CHMP4B: variants seen among roughly 807,000 people sequenced by gnomAD.
The protein encoded by CHMP4B is charged multivesicular body protein 4B.
A neutral mutation model predicts 25.1 loss-of-function variants in CHMP4B; 1 was observed. The ratio of observed to expected loss-of-function variants is 0.04; its 90% confidence interval spans 0.01 to 0.19. CHMP4B has a LOEUF of 0.19. Ranked by LOEUF, CHMP4B falls within the 10% of genes least tolerant of loss-of-function variation. The probability of loss-of-function intolerance (pLI) is 1.00; values close to 1 mark genes in which losing one functional copy is unlikely to be tolerated. For missense variants in CHMP4B, 151 were observed against 289.7 expected, an observed-to-expected ratio of 0.52 and a Z score of 3.48; for synonymous variants, 101 against 115.6, an observed-to-expected ratio of 0.87 and a Z score of 0.81.
At chr20:33,818,764 G>C (rs1978851897) in intron 1 of CHMP4B, among the ~76,000 whole-genome samples, 1 of 152,190 alleles carries the variant, frequency 6.6e-6, no homozygotes, top group Non-Finnish European at 1.5e-5. Context: ...CTACATCACA[G>C]ATCAAGGAAG....
chr20:33,830,933 GT>G (rs55917511), intron 1 of CHMP4B, among the ~76,000 whole-genome samples: 5,441 of 102,634 alleles, frequency 0.053, 268 homozygotes, highest in Non-Finnish European at 0.083. Flanking sequence ...AAGGAACAGA[GT>G]TTTTTTTTTT....
chr20:33,853,117 A>G (rs970369557), intron 4 of CHMP4B, among the ~76,000 whole-genome samples: 1 of 152,152 alleles, frequency 6.6e-6, no homozygotes, highest in African/African-American at 2.4e-5. Context: ...CTGTGTGGCC[A>G]TGAGTCAAGC....
intron 1 of CHMP4B, among the ~76,000 whole-genome samples, chr20:33,823,893 C>A (rs1454308452): frequency 6.6e-6 from 1 of 152,068 alleles, no homozygotes; most frequent in Non-Finnish European, 1.5e-5. Context: ...CCAGGCTGTT[C>A]TTGAACTCCT....
chr20:33,820,598 C>T (rs779785180), intron 1 of CHMP4B, among the ~76,000 whole-genome samples: 15 of 151,928 alleles, frequency 9.9e-5, no homozygotes, highest in Non-Finnish European at 2.2e-4. Flanking sequence ...AACCAGGGTA[C>T]AGTGTGATTT....
At chr20:33,824,802 C>G (rs969525564) in intron 1 of CHMP4B, among the ~76,000 whole-genome samples, 1 of 147,860 alleles carries the variant, frequency 6.8e-6, no homozygotes, top group Non-Finnish European at 1.5e-5. Flanking sequence ...GTTGTGACAA[C>G]AAAAATGTCT....
chr20:33,838,546 G>T (rs980825043), intron 1 of CHMP4B, among the ~76,000 whole-genome samples: 29 of 152,166 alleles, frequency 1.9e-4, no homozygotes, highest in African/African-American at 7.0e-4. Context: ...TCAAATTTAC[G>T]TATTAAGACA....
In CHMP4B at chr20:33,853,732, C is replaced by T. The variant is rs1033785511; in HGVS notation, c.*172C>T. The stretch of plus-strand genomic sequence containing the variant: ...CTCACTCTCTGCATAGCATGGTCTG[C>T]ACCTGGGAGATGGGCGGGGGGAGGG... On this transcript the variant is annotated 3_prime_UTR_variant, in exon 5 of 5. Coordinates refer to ENST00000217402, the MANE Select transcript of CHMP4B (RefSeq NM_176812.5). The T allele has an allele frequency of 2.8e-4, 24 of 84,404 alleles. No homozygotes were observed. In the Admixed American group the frequency reaches 2.9e-3, roughly 10 times the overall value. 5.2% of individuals were successfully genotyped at this position (84,404 alleles called of 1,614,324 possible).
intron 1 of CHMP4B, among the ~76,000 whole-genome samples, chr20:33,813,714 T>C (rs1422859498): frequency 2.6e-5 from 4 of 151,994 alleles, no homozygotes; most frequent in African/African-American, 4.8e-5. Flanking sequence ...GTTTCTGGAG[T>C]TTGTTTTTTT....
chr20:33,847,288 T>TG (rs888017626), intron 1 of CHMP4B, among the ~76,000 whole-genome samples: 1 of 150,208 alleles, frequency 6.7e-6, no homozygotes, highest in Non-Finnish European at 1.5e-5. Context: ...GATGTACTGT[T>TG]TTTTTTTTTA....
At chr20:33,831,032 C>A (rs1250472418) in intron 1 of CHMP4B, among the ~76,000 whole-genome samples, 1 of 146,534 alleles carries the variant, frequency 6.8e-6, no homozygotes, top group African/African-American at 2.5e-5. Context: ...CCTGGACCTC[C>A]ACAGCTCAAG....
rs752349917 is a variant in CHMP4B at position 33,848,576 on chromosome 20, C to T, written c.300C>T (p.Asn100=). ...EFQREALENA[N]TNTEVLKNMG... ...AGCGGGAGGCCCTGGAGAATGCCAACACCAACACCGAGGTGCTCAAGAACA... is the reference window on the plus strand; with the variant it reads ...AGCGGGAGGCCCTGGAGAATGCCAATACCAACACCGAGGTGCTCAAGAACA... Residue 100 remains asparagine, a synonymous_variant, in exon 2 of 5, where the codon AAC becomes AAT. Transcript: ENST00000217402. The T allele has an allele frequency of 6.2e-7, 1 of 1,614,246 alleles. No individual in the cohort carries two copies. Among genetic ancestry groups the T allele is most frequent in the South Asian group, 1.1e-5 (1 of 91,088 alleles).
intron 1 of CHMP4B, among the ~76,000 whole-genome samples, chr20:33,814,906 C>T (rs1282594561): frequency 6.6e-6 from 1 of 152,250 alleles, no homozygotes; most frequent in East Asian, 1.9e-4. Flanking sequence ...CCGTATTAGC[C>T]TCCCAAAGTG....
At chr20:33,850,242 T>C (rs1251322666) in intron 2 of CHMP4B, among the ~76,000 whole-genome samples, 1 of 152,224 alleles carries the variant, frequency 6.6e-6, no homozygotes, top group Non-Finnish European at 1.5e-5. Context: ...CTGATGTTGC[T>C]CTAGAAATGT....
chr20:33,824,226 A>G (rs1601318828), intron 1 of CHMP4B, among the ~76,000 whole-genome samples: 1 of 152,134 alleles, frequency 6.6e-6, no homozygotes, highest in African/African-American at 2.4e-5. Flanking sequence ...AGAGGAAGAA[A>G]CTAAGGCTCA....
At chr20:33,841,355 G>C (rs1345815866) in intron 1 of CHMP4B, among the ~76,000 whole-genome samples, 1 of 152,164 alleles carries the variant, frequency 6.6e-6, no homozygotes, top group Admixed American at 6.5e-5. Context: ...AGAGAAGGAG[G>C]CTGCTCTGGA....
Position 33,853,784 on chromosome 20 carries a change from T to C in CHMP4B, c.*224T>C, listed in dbSNP as rs1979928891. On this transcript the variant is annotated 3_prime_UTR_variant, in exon 5 of 5. Transcript: ENST00000217402. ...GGCGGGCGGGGTGGGAAGTGCCTGC[T>C]GTTTATAATGTTGAATTTCTGTAAA... 1.9e-6 allele frequency: 1 copy of C among 519,234 alleles called. No individual in the cohort carries two copies. Among genetic ancestry groups the C allele is most frequent in the South Asian group, 2.0e-5 (1 of 49,350 alleles). The allele number at this position is 519,234 out of a possible 1,614,324, so 32.2% of individuals were successfully genotyped here. A position where few individuals can be genotyped will look rare whatever the true frequency, so the allele number is the denominator to read the frequency against.
chr20:33,818,351 G>A (rs548568275), intron 1 of CHMP4B, among the ~76,000 whole-genome samples: 1 of 152,236 alleles, frequency 6.6e-6, no homozygotes, highest in Non-Finnish European at 1.5e-5. Flanking sequence ...ATTCATCTCT[G>A]AGGTTGCAGG....
At chr20:33,836,025 G>A (rs1440048273) in intron 1 of CHMP4B, among the ~76,000 whole-genome samples, 3 of 152,192 alleles carry the variant, frequency 2.0e-5, no homozygotes, top group African/African-American at 2.4e-5. Flanking sequence ...ATATCAACAC[G>A]AGACTTGGCA....
At chr20:33,830,933 G>GTTTTGTTTTTTTTT (rs1555792008) in intron 1 of CHMP4B, among the ~76,000 whole-genome samples, 1 of 102,524 alleles carries the variant, frequency 9.8e-6, no homozygotes, top group Admixed American at 1.2e-4. Context: ...AAGGAACAGA[G>GTTTTGTTTTTTTTT]TTTTTTTTTT....
Sources: allele counts gnomAD v4.1 joint callset (sites outside exome capture counted in the v4.1 genomes callset), GRCh38; gene constraint gnomAD v4.1.1; transcripts MANE v1.5; gene names NCBI Gene and HGNC (gene_info 2026-07-23, HGNC 2026-07-21).